CSMD1: variants seen among roughly 807,000 people sequenced by gnomAD.
The protein encoded by CSMD1 is CUB and sushi domain-containing protein 1.
Under a neutral mutation model 417.5 loss-of-function variants are expected in CSMD1, and 213 were observed. The ratio of observed to expected loss-of-function variants is 0.51; its 90% CI spans 0.46 to 0.57. The LOEUF (loss-of-function observed/expected upper bound fraction) is 0.57, where lower values mean the gene tolerates loss of function less well. Among genes scored for constraint, CSMD1 ranks in the 20% least tolerant of loss-of-function variants. CSMD1 has a pLI of 0.00. For synonymous variants in CSMD1, 2,862 were observed against 1,736.8 expected (o/e 1.65, Z -16.11); for missense variants, 6,923 against 4,529.7 (o/e 1.53, Z -15.17).
intron 1 of CSMD1, among the ~76,000 whole-genome samples, chr8:4,719,525 CA>C (rs570662758): frequency 6.3e-4 from 91 of 144,674 alleles, no homozygotes; most frequent in African/African-American, 1.9e-3. Flanking sequence ...CCCCCACCTA[CA>C]AAAAAAAAAT....
chr8:3,343,241 G>T, intron 23 of CSMD1, 53 bp downstream of exon 23: 1 of 1,484,232 alleles, frequency 6.7e-7, no homozygotes, highest in Non-Finnish European at 9.4e-7. Context: ...CCAAGTATCA[G>T]ATATGTCCTG....
intron 1 of CSMD1, among the ~76,000 whole-genome samples, chr8:4,946,916 G>C (rs899463808): frequency 9.9e-5 from 15 of 152,114 alleles, no homozygotes; most frequent in African/African-American, 3.6e-4. Context: ...TAGAAAGACA[G>C]AGCATATGTA....
intron 3 of CSMD1, among the ~76,000 whole-genome samples, chr8:4,178,009 G>T (rs971141246): frequency 6.6e-6 from 1 of 152,098 alleles, no homozygotes; most frequent in Non-Finnish European, 1.5e-5. Flanking sequence ...TTACAAGGAG[G>T]AACTAGTACC....
At chr8:4,439,398 C>T (rs1053020841) in intron 2 of CSMD1, among the ~76,000 whole-genome samples, 16 of 152,148 alleles carry the variant, frequency 1.1e-4, no homozygotes, top group South Asian at 6.3e-4. Flanking sequence ...ACTTATTTCA[C>T]GTACGTTTAT....
At chr8:3,668,478 G>A (rs889522505) in intron 7 of CSMD1, among the ~76,000 whole-genome samples, 1 of 152,142 alleles carries the variant, frequency 6.6e-6, no homozygotes, top group African/African-American at 2.4e-5. Flanking sequence ...GAGTTTGGGG[G>A]ATATTACAAG....
chr8:4,744,452 C>T (rs73175353), intron 1 of CSMD1, among the ~76,000 whole-genome samples: 2,244 of 152,232 alleles, frequency 0.015, 34 homozygotes, highest in Non-Finnish European at 0.019. Context: ...GCGGCACTGT[C>T]CCAAAATGCT....
intron 1 of CSMD1, among the ~76,000 whole-genome samples, chr8:4,843,056 A>C: frequency 6.6e-6 from 1 of 152,196 alleles, no homozygotes; most frequent in East Asian, 1.9e-4. Flanking sequence ...AAGAGATGCT[A>C]ATTTACTCTC....
rs1320500583 is a variant in CSMD1 at position 3,993,865 on chromosome 8, G to C, written c.818+4038C>G. ...CTCTGCATGCCCCTCTAAGCATTAT[G>C]ATAATGGGATCGACAAAAGATAGGC... On this transcript the variant is annotated intron_variant, in intron 5 of 69. Coordinates refer to ENST00000635120, the MANE Select transcript of CSMD1 (RefSeq NM_033225.6). Among the ~76,000 whole-genome samples, 10 of 152,314 alleles carry C rather than the reference G, an allele frequency of 6.6e-5. No individual in the cohort carries two copies. In the East Asian group the frequency reaches 1.7e-3, roughly 26 times the overall value.
intron 3 of CSMD1, among the ~76,000 whole-genome samples, chr8:4,398,483 C>G (rs985999432): frequency 1.1e-4 from 16 of 145,728 alleles, no homozygotes; most frequent in African/African-American, 4.0e-4. Context: ...AACCTCCTCT[C>G]CTGGGTTCAC....
chr8:3,818,461 G>A (rs1314935086), intron 5 of CSMD1, among the ~76,000 whole-genome samples: 1 of 152,154 alleles, frequency 6.6e-6, no homozygotes, highest in South Asian at 2.1e-4. Context: ...GCTATCCAGT[G>A]AGCTCAATGC....
At chr8:3,275,559 G>A (rs930747290) in intron 26 of CSMD1, among the ~76,000 whole-genome samples, 2 of 152,022 alleles carry the variant, frequency 1.3e-5, no homozygotes, top group Non-Finnish European at 2.9e-5. Flanking sequence ...GTCTCTTTCA[G>A]GTACGACAAT....
At chr8:2,940,606 G>C (rs1244374642) in intron 69 of CSMD1, among the ~76,000 whole-genome samples, 2 of 152,148 alleles carry the variant, frequency 1.3e-5, no homozygotes, top group African/African-American at 4.8e-5. Context: ...AAGTTTCTAA[G>C]GTTTAACGAC....
chr8:4,277,460 T>C lies in CSMD1; in HGVS notation c.415+142493A>G, dbSNP rs1170628081. On this transcript the variant is annotated intron_variant, in intron 3 of 69. Coordinates refer to ENST00000635120, the MANE Select transcript of CSMD1 (RefSeq NM_033225.6). ...GCTTTCAGTCAACCTCCTCACCACA[T>C]ACTTAAATGTACCGTCTTAAAAAAG... Among the ~76,000 whole-genome samples the C allele has an allele frequency of 2.0e-5, 3 of 152,118 alleles. No individual in the cohort carries two copies. The East Asian group carries it at 5.8e-4, about 29-fold the overall frequency.
intron 1 of CSMD1, among the ~76,000 whole-genome samples, chr8:4,835,725 A>G (rs1800437192): frequency 6.6e-6 from 1 of 151,780 alleles, no homozygotes; most frequent in African/African-American, 2.4e-5. Flanking sequence ...TTCAACATTT[A>G]CCCAATCTCT....
chr8:3,004,300 C>G (rs986370291), intron 52 of CSMD1, among the ~76,000 whole-genome samples: 1 of 152,184 alleles, frequency 6.6e-6, no homozygotes, highest in Non-Finnish European at 1.5e-5. Flanking sequence ...TGCCCAATGT[C>G]TCCAACAGGC....
chr8:4,088,232 C>G (rs909210147), intron 3 of CSMD1, among the ~76,000 whole-genome samples: 1 of 152,152 alleles, frequency 6.6e-6, no homozygotes, highest in Non-Finnish European at 1.5e-5. Flanking sequence ...CTTCCTGGCT[C>G]TCAGAAGCTG....
At chr8:4,291,990 C>T (rs1013777857) in intron 3 of CSMD1, among the ~76,000 whole-genome samples, 1 of 152,096 alleles carries the variant, frequency 6.6e-6, no homozygotes, top group Admixed American at 6.5e-5. Context: ...GAGTTTGAGA[C>T]GCCAGAGTGA....
chr8:3,310,569 G>A (rs1805251220), intron 23 of CSMD1, among the ~76,000 whole-genome samples: 1 of 152,152 alleles, frequency 6.6e-6, no homozygotes, highest in Non-Finnish European at 1.5e-5. Flanking sequence ...CAATGTCATT[G>A]GAACATACAA....
At chr8:3,892,712 C>T (rs957400034) in intron 5 of CSMD1, among the ~76,000 whole-genome samples, 2 of 121,806 alleles carry the variant, frequency 1.6e-5, no homozygotes, top group Non-Finnish European at 3.3e-5. Flanking sequence ...TACATTTAGG[C>T]AGGTTTTTTT....
Sources: gnomAD v4.1 joint callset for allele counts (sites outside exome capture counted in the v4.1 genomes callset) on GRCh38, gnomAD v4.1.1 for gene constraint, MANE v1.5 for transcripts, NCBI Gene and HGNC (gene_info 2026-07-23, HGNC 2026-07-21) for gene names.